Variants in TMTC2 observed in about 807,000 individuals in gnomAD.
TMTC2 encodes the protein transmembrane O-mannosyltransferase targeting cadherins 2.
A neutral mutation model predicts 82.4 loss-of-function variants in TMTC2; 43 were observed. The observed-to-expected ratio is 0.52, with a 90% CI of 0.41 to 0.67. The LOEUF is 0.67. Ranked by LOEUF, TMTC2 falls within the 30% of genes least tolerant of loss-of-function variation. The pLI, the probability that TMTC2 is intolerant of heterozygous loss-of-function variation, is 0.00. For synonymous variants in TMTC2, 408 were observed against 381.9 expected, an observed-to-expected ratio of 1.07 and a Z score of -0.80; for missense variants, 919 against 1,012.4, an observed-to-expected ratio of 0.91 and a Z score of 1.25.
At chr12:82,819,497 CTTTTTTT>C (rs766912583) in intron 1 of TMTC2, among the ~76,000 whole-genome samples, 5 of 118,246 alleles carry the variant, frequency 4.2e-5, no homozygotes, top group East Asian at 2.3e-4. Context: ...TTCTCTCTTT[CTTTTTTT>C]TTTTTTTTTT....
In TMTC2 at chr12:82,915,451, C is replaced by A. The variant is rs530587931; in HGVS notation, c.1484-14980C>A. 1.1e-4 allele frequency among the ~76,000 whole-genome samples: 16 copies of A among 152,236 alleles called. No individual in the cohort carries two copies. In the South Asian group the frequency reaches 3.3e-3, roughly 32 times the overall value. Reference sequence around the variant, plus strand: ...ACTGGTAACAGGGCTAGTACTACAACGTAGATTTCGGACATTTTGTTTTAT... The same window carrying A: ...ACTGGTAACAGGGCTAGTACTACAAAGTAGATTTCGGACATTTTGTTTTAT... On this transcript the variant is annotated intron_variant, in intron 3 of 11. Transcript: ENST00000321196.
chr12:83,068,021 C>T lies in TMTC2; in HGVS notation c.2331+6190C>T, dbSNP rs111701531. On this transcript the variant is annotated intron_variant, in intron 11 of 11. Transcript: ENST00000321196. ...TTATAAAATCAAAGCCAGTGTTATC[C>T]ATTTGGGCTCTTTAGCAATGATTAT... Among the ~76,000 whole-genome samples the T allele has an allele frequency of 6.8e-3, 1,035 of 152,038 alleles. 2 individuals carry two copies. The highest frequency in any genetic ancestry group is 0.012 in the Non-Finnish European group (788 of 67,934).
At chr12:82,886,462 T>A (rs1236226718) in intron 2 of TMTC2, among the ~76,000 whole-genome samples, 1 of 152,206 alleles carries the variant, frequency 6.6e-6, no homozygotes, top group Non-Finnish European at 1.5e-5. Context: ...TTCTGATGGA[T>A]GCTTGAACTC....
At chr12:83,105,509 AAGC>A (rs1426009588) in intron 11 of TMTC2, among the ~76,000 whole-genome samples, 3 of 152,198 alleles carry the variant, frequency 2.0e-5, no homozygotes, top group Non-Finnish European at 4.4e-5. Context: ...GCAGAAGATG[AAGC>A]AGGAGTTGGC....
intron 2 of TMTC2, among the ~76,000 whole-genome samples, chr12:82,880,589 C>T (rs771557698): frequency 1.1e-4 from 16 of 152,218 alleles, no homozygotes; most frequent in African/African-American, 2.4e-4. Context: ...TTGCTTAATC[C>T]GAATTTACTG....
chr12:82,732,582 A>G (rs1468978275), intron 1 of TMTC2, among the ~76,000 whole-genome samples: 2 of 152,070 alleles, frequency 1.3e-5, no homozygotes, highest in Admixed American at 6.6e-5. Context: ...TGACCTTGTG[A>G]TCCGTCTGCC....
At chr12:82,946,118 A>T (rs1377613273) in intron 4 of TMTC2, among the ~76,000 whole-genome samples, 1 of 152,164 alleles carries the variant, frequency 6.6e-6, no homozygotes, top group Non-Finnish European at 1.5e-5. Flanking sequence ...CTGTTCCCCT[A>T]TACTTTATTC....
intron 1 of TMTC2, among the ~76,000 whole-genome samples, chr12:82,753,895 A>T (rs1390877859): frequency 6.6e-6 from 1 of 152,236 alleles, no homozygotes; most frequent in Non-Finnish European, 1.5e-5. Context: ...TAATTGGAAA[A>T]CATTGATGGA....
At chr12:83,053,709 A>T (rs1882435112) in intron 10 of TMTC2, among the ~76,000 whole-genome samples, 5 of 152,070 alleles carry the variant, frequency 3.3e-5, no homozygotes, top group Admixed American at 2.6e-4. Context: ...ATGGACAAAG[A>T]TCTTTCTCTG....
intron 11 of TMTC2, among the ~76,000 whole-genome samples, chr12:83,065,517 A>G (rs1882887522): frequency 6.6e-6 from 1 of 151,868 alleles, no homozygotes; most frequent in African/African-American, 2.4e-5. Flanking sequence ...TTAAAATTTT[A>G]TTTACTTGAT....
At chr12:82,873,879 A>AT (rs563753562) in intron 2 of TMTC2, among the ~76,000 whole-genome samples, 88 of 152,278 alleles carry the variant, frequency 5.8e-4, no homozygotes, top group African/African-American at 2.0e-3. Flanking sequence ...TGAATTTGGA[A>AT]TTTTTTTATC....
intron 11 of TMTC2, among the ~76,000 whole-genome samples, chr12:83,075,161 G>A (rs1189820694): frequency 6.6e-6 from 1 of 152,188 alleles, no homozygotes; most frequent in Non-Finnish European, 1.5e-5. Flanking sequence ...CAGTGGGGGT[G>A]TGTGTCAGGA....
intron 3 of TMTC2, among the ~76,000 whole-genome samples, chr12:82,919,540 A>ATT (rs1565810115): frequency 6.6e-6 from 1 of 152,186 alleles, no homozygotes; most frequent in African/African-American, 2.4e-5. Flanking sequence ...TAAATGAGAT[A>ATT]TGGGTGATGC....
chr12:82,711,982 A>G (rs1873645835), intron 1 of TMTC2, among the ~76,000 whole-genome samples: 1 of 152,102 alleles, frequency 6.6e-6, no homozygotes, highest in Non-Finnish European at 1.5e-5. Context: ...CTCATACAGC[A>G]CGCTCTATCT....
rs1406013336 is a variant in TMTC2, at chr12:82,896,074, C to T, written c.911C>T (p.Thr304Ile). ...ATGGATGCTGTGCCTCTGCTCAAAA[C>T]AGTTTGTGACTGGAGAAACCTACAC... Reference protein sequence around the residue: ...WSMDAVPLLKTVCDWRNLHTV... With the variant: ...WSMDAVPLLKIVCDWRNLHTV... Residue 304 changes from threonine to isoleucine, a missense_variant, in exon 3 of 12, where the codon ACA becomes ATA. By Grantham distance (89) the Thr-to-Ile change is moderately conservative. Transcript: ENST00000321196. The T allele has an allele frequency of 1.2e-6, 2 of 1,613,918 alleles. No individual in the cohort carries two copies. The highest frequency in any genetic ancestry group is 1.7e-6 in the Non-Finnish European group (2 of 1,180,030).
intron 9 of TMTC2, 126 bp downstream of exon 9, chr12:83,031,005 C>T (rs1236730413): frequency 3.0e-6 from 2 of 656,134 alleles, no homozygotes; most frequent in Admixed American, 4.5e-5. Flanking sequence ...GATTTAGCCT[C>T]ATGCTATATT....
intron 11 of TMTC2, among the ~76,000 whole-genome samples, chr12:83,107,386 G>A (rs770514313): frequency 6.6e-6 from 1 of 152,190 alleles, no homozygotes; most frequent in Non-Finnish European, 1.5e-5. Flanking sequence ...TCGGCTTCTG[G>A]TGAAGGTCTT....
chr12:83,005,950 A>G (rs1267017407), intron 8 of TMTC2, among the ~76,000 whole-genome samples: 2 of 152,138 alleles, frequency 1.3e-5, no homozygotes, highest in South Asian at 2.1e-4. Flanking sequence ...ATCGATGCCT[A>G]TTACCATATT....
intron 11 of TMTC2, among the ~76,000 whole-genome samples, chr12:83,076,524 T>C (rs1019279342): frequency 1.3e-5 from 2 of 152,184 alleles, no homozygotes; most frequent in Non-Finnish European, 2.9e-5. Flanking sequence ...TTCTTTGAAA[T>C]TACAGCTGAT....
Sources: gnomAD v4.1 joint callset for allele counts (sites outside exome capture counted in the v4.1 genomes callset) on GRCh38, gnomAD v4.1.1 for gene constraint, MANE v1.5 for transcripts, NCBI Gene and HGNC (gene_info 2026-07-23, HGNC 2026-07-21) for gene names.